Variants in GUCY1A2 observed in about 807,000 individuals in gnomAD.
The protein encoded by GUCY1A2 is guanylate cyclase soluble subunit alpha-2.
A neutral mutation model predicts 63.5 loss-of-function variants in GUCY1A2; 27 were observed. That is an observed-to-expected ratio of 0.43 (90% confidence interval 0.31 to 0.59). The LOEUF is 0.59. GUCY1A2 is among the 20% of genes least tolerant of loss of function. The probability of loss-of-function intolerance (pLI) is 0.11; values close to 1 mark genes in which losing one functional copy is unlikely to be tolerated. For synonymous variants in GUCY1A2, 364 were observed against 343.5 expected (o/e 1.06, Z -0.66); for missense variants, 768 against 913.3 (o/e 0.84, Z 2.05).
intron 6 of GUCY1A2, among the ~76,000 whole-genome samples, chr11:106,721,052 G>T (rs964649468): frequency 1.4e-5 from 2 of 147,840 alleles, no homozygotes; most frequent in Non-Finnish European, 3.0e-5. Flanking sequence ...CAATAAAAAG[G>T]ACATATTTGC....
At chr11:106,772,054 A>C (rs539707634) in intron 6 of GUCY1A2, among the ~76,000 whole-genome samples, 1 of 152,254 alleles carries the variant, frequency 6.6e-6, no homozygotes, top group East Asian at 1.9e-4. Context: ...TTATAGGCTG[A>C]AAAAACAAAA....
intron 1 of GUCY1A2, among the ~76,000 whole-genome samples, chr11:107,003,855 T>C (rs953371692): frequency 1.3e-5 from 2 of 152,122 alleles, no homozygotes; most frequent in East Asian, 1.9e-4. Flanking sequence ...GGGAGTGTTC[T>C]TGGGATCAAC....
chr11:106,705,339 T>C (rs955969947), intron 7 of GUCY1A2, among the ~76,000 whole-genome samples: 3 of 152,122 alleles, frequency 2.0e-5, no homozygotes, highest in Non-Finnish European at 4.4e-5. Context: ...AGCTTTTAGT[T>C]ACAGCTCAAA....
At chr11:106,945,111 G>GACAC (rs149041032) in intron 3 of GUCY1A2, among the ~76,000 whole-genome samples, 1 of 146,208 alleles carries the variant, frequency 6.8e-6, no homozygotes, top group Admixed American at 6.8e-5. Context: ...AAGAAACACA[G>GACAC]ACACACACAC....
intron 2 of GUCY1A2, 146 bp from the exon 3 acceptor site, chr11:106,978,886 G>T: frequency 1.7e-6 from 1 of 598,942 alleles, no homozygotes; most frequent in Non-Finnish European, 2.9e-6. Context: ...CATAATTCTG[G>T]CATAACCCAC....
intron 4 of GUCY1A2, among the ~76,000 whole-genome samples, chr11:106,841,128 T>C (rs1254856396): frequency 1.3e-5 from 2 of 151,804 alleles, no homozygotes; most frequent in African/African-American, 2.4e-5. Flanking sequence ...TGATCTCTTT[T>C]CTCCCTGGGC....
chr11:106,829,023 G>T (rs11211938), intron 4 of GUCY1A2, among the ~76,000 whole-genome samples: 30,838 of 152,160 alleles, frequency 0.2, 3,377 homozygotes, highest in Non-Finnish European at 0.24. Context: ...TTATATGATT[G>T]CTTTGTTTCC....
chr11:106,706,337 G>A (rs1014653468), intron 7 of GUCY1A2, among the ~76,000 whole-genome samples: 12 of 151,976 alleles, frequency 7.9e-5, no homozygotes, highest in Non-Finnish European at 1.6e-4. Context: ...TCAGCTCAAC[G>A]TGTCTATCTA....
intron 5 of GUCY1A2, among the ~76,000 whole-genome samples, chr11:106,795,483 T>G (rs906559220): frequency 2.6e-5 from 4 of 152,186 alleles, no homozygotes; most frequent in African/African-American, 9.7e-5. Flanking sequence ...TTGGACAATC[T>G]TAAGAACAGC....
chr11:106,776,589 C>G lies in GUCY1A2; in HGVS notation c.1693-7G>C, dbSNP rs1864361024. 6.2e-7 allele frequency: 1 copy of G among 1,611,656 alleles called. No individual in the cohort carries two copies. ...CATCACCTATTGTTTCCACCTGCAG[C>G]AATCAGACAAATCAAATGCAAACGT... On this transcript the variant is annotated splice_polypyrimidine_tract_variant and splice_region_variant and intron_variant, in intron 5 of 7. Transcript: ENST00000526355.
chr11:106,713,088 T>C (rs1863149807), intron 6 of GUCY1A2, among the ~76,000 whole-genome samples: 1 of 152,176 alleles, frequency 6.6e-6, no homozygotes, highest in African/African-American at 2.4e-5. Flanking sequence ...TCTCCTGGTT[T>C]GCCCCTCCCT....
chr11:106,743,735 C>A (rs1183082493), intron 6 of GUCY1A2, among the ~76,000 whole-genome samples: 1 of 152,114 alleles, frequency 6.6e-6, no homozygotes, highest in Non-Finnish European at 1.5e-5. Flanking sequence ...CAGGGAAAGC[C>A]ATTCAGTTTG....
At chr11:106,700,000 G>T (rs1862791503) in intron 7 of GUCY1A2, among the ~76,000 whole-genome samples, 1 of 151,846 alleles carries the variant, frequency 6.6e-6, no homozygotes, top group African/African-American at 2.4e-5. Context: ...AGCCAGGATG[G>T]TCTCGATCTC....
chr11:106,846,769 A>G (rs1045683958), intron 4 of GUCY1A2, among the ~76,000 whole-genome samples: 2 of 151,622 alleles, frequency 1.3e-5, no homozygotes, highest in African/African-American at 4.8e-5. Flanking sequence ...TAAACTAGAG[A>G]ACTGAACAAA....
chr11:106,707,136 A>G (rs1862928542), intron 7 of GUCY1A2, among the ~76,000 whole-genome samples: 1 of 152,110 alleles, frequency 6.6e-6, no homozygotes, highest in Non-Finnish European at 1.5e-5. Flanking sequence ...CACTACTTTA[A>G]TGAGCTTAGC....
At chr11:106,699,259 C>T (rs1862775746) in intron 7 of GUCY1A2, among the ~76,000 whole-genome samples, 1 of 152,018 alleles carries the variant, frequency 6.6e-6, no homozygotes, top group African/African-American at 2.4e-5. Flanking sequence ...AGAAATGGTG[C>T]CATTTTTAAT....
At chr11:106,957,214 G>A (rs568525508) in intron 3 of GUCY1A2, among the ~76,000 whole-genome samples, 2 of 152,238 alleles carry the variant, frequency 1.3e-5, no homozygotes, top group South Asian at 2.1e-4. Context: ...AGTGTGTTAG[G>A]CAGTTGCAAG....
intron 2 of GUCY1A2, among the ~76,000 whole-genome samples, chr11:106,981,510 G>C (rs577656058): frequency 6.6e-6 from 1 of 151,704 alleles, no homozygotes; most frequent in African/African-American, 2.4e-5. Flanking sequence ...TTACTGGCAT[G>C]GTTCTGAATA....
chr11:106,802,165 T>A (rs527443127), intron 5 of GUCY1A2, among the ~76,000 whole-genome samples: 101 of 152,300 alleles, frequency 6.6e-4, no homozygotes, highest in African/African-American at 2.3e-3. Flanking sequence ...GCAGATTGCA[T>A]TAAGGCTATC....
Sources: allele counts gnomAD v4.1 joint callset (sites outside exome capture counted in the v4.1 genomes callset), GRCh38; gene constraint gnomAD v4.1.1; transcripts MANE v1.5; gene names NCBI Gene and HGNC (gene_info 2026-07-23, HGNC 2026-07-21).